PLPPR1: variants seen among roughly 807,000 people sequenced by gnomAD.
PLPPR1 encodes the protein phospholipid phosphatase-related protein type 1.
In PLPPR1, 10 loss-of-function variants were observed where a neutral mutation model predicts 33.1. The observed-to-expected ratio is 0.30, with a 90% CI of 0.19 to 0.51. The LOEUF (loss-of-function observed/expected upper bound fraction) is 0.51, where lower values mean the gene tolerates loss of function less well. PLPPR1 is among the 20% of genes least tolerant of loss of function. PLPPR1 has a pLI of 0.97. For missense variants in PLPPR1, 304 were observed against 408.1 expected (o/e 0.74, Z 2.20); for synonymous variants, 151 against 151.0 (o/e 1.00, Z 0.00).
chr9:101,033,941 A>G (rs1829979393), intron 1 of PLPPR1, among the ~76,000 whole-genome samples: 1 of 152,194 alleles, frequency 6.6e-6, no homozygotes, highest in Non-Finnish European at 1.5e-5. Flanking sequence ...AAAGTAGGGA[A>G]CTGAAAAAGG....
At chr9:101,044,029 A>G (rs940829069) in intron 1 of PLPPR1, among the ~76,000 whole-genome samples, 1 of 152,248 alleles carries the variant, frequency 6.6e-6, no homozygotes, top group African/African-American at 2.4e-5. Context: ...TAATTAAACT[A>G]AAGAGCTTTT....
chr9:101,045,385 T>C (rs1289999806), intron 1 of PLPPR1, among the ~76,000 whole-genome samples: 2 of 152,168 alleles, frequency 1.3e-5, no homozygotes, highest in Non-Finnish European at 2.9e-5. Flanking sequence ...ATTTGTGGAA[T>C]GGGTGAGTGA....
At chr9:101,269,776 A>T in intron 2 of PLPPR1, 104 bp from the exon 3 acceptor site, 1 of 1,103,176 alleles carries the variant, frequency 9.1e-7, no homozygotes, top group Non-Finnish European at 1.4e-6. Context: ...CAATACCAAT[A>T]TCAGGAGAGC....
Position 101,224,993 on chromosome 9 carries a change from G to T in PLPPR1, c.63+39436G>T, listed in dbSNP as rs10125953. On this transcript the variant is annotated intron_variant, in intron 2 of 7. Transcript: ENST00000374874. ...TTTATTGCAATGCTTAATATTAAAAGCATTTTGATATCTGTCTTTGGAACT... is the reference window on the plus strand; with the variant it reads ...TTTATTGCAATGCTTAATATTAAAATCATTTTGATATCTGTCTTTGGAACT... Among the ~76,000 whole-genome samples, 680 of 152,224 alleles carry T rather than the reference G, an allele frequency of 4.5e-3. 3 individuals are homozygous for T. Among genetic ancestry groups the T allele is most frequent in the African/African-American group, 0.016 (660 of 41,536 alleles).
intron 3 of PLPPR1, among the ~76,000 whole-genome samples, chr9:101,271,171 A>G (rs1828093169): frequency 6.6e-6 from 1 of 152,164 alleles, no homozygotes; most frequent in Admixed American, 6.5e-5. Context: ...GAGCCACAAC[A>G]TGATGTATCA....
chr9:101,270,105 A>C, intron 3 of PLPPR1, 37 bp downstream of exon 3: 1 of 1,594,596 alleles, frequency 6.3e-7, no homozygotes, highest in Non-Finnish European at 8.6e-7. Flanking sequence ...TTATTGTCAG[A>C]TACCCAAGAA....
intron 1 of PLPPR1, among the ~76,000 whole-genome samples, chr9:101,109,617 C>G (rs1310155965): frequency 6.6e-6 from 1 of 152,106 alleles, no homozygotes. Context: ...GTATGTTTTT[C>G]AAAAGGTATA....
chr9:101,097,402 A>C (rs1830832797), intron 1 of PLPPR1, among the ~76,000 whole-genome samples: 1 of 152,178 alleles, frequency 6.6e-6, no homozygotes, highest in African/African-American at 2.4e-5. Context: ...TCACCCAAAC[A>C]AGTATTGTGC....
At chr9:101,266,884 G>A (rs568374929) in intron 2 of PLPPR1, among the ~76,000 whole-genome samples, 2 of 152,188 alleles carry the variant, frequency 1.3e-5, no homozygotes, top group Admixed American at 6.5e-5. Context: ...AAAGGAAGTG[G>A]TAGCACAAAG....
intron 7 of PLPPR1, among the ~76,000 whole-genome samples, chr9:101,320,207 G>C (rs979206462): frequency 6.6e-6 from 1 of 152,216 alleles, no homozygotes; most frequent in African/African-American, 2.4e-5. Flanking sequence ...GATTATGGAT[G>C]CCGCCTCATA....
At chr9:101,250,955 G>T (rs1171352951) in intron 2 of PLPPR1, among the ~76,000 whole-genome samples, 4 of 151,846 alleles carry the variant, frequency 2.6e-5, no homozygotes, top group Non-Finnish European at 5.9e-5. Context: ...ACCTTTTTCA[G>T]TCTCATCTCC....
At chr9:101,059,578 T>A (rs148494555) in intron 1 of PLPPR1, among the ~76,000 whole-genome samples, 1 of 152,120 alleles carries the variant, frequency 6.6e-6, no homozygotes, top group Non-Finnish European at 1.5e-5. Flanking sequence ...TGATAAGAGG[T>A]TAATATCCAA....
intron 2 of PLPPR1, among the ~76,000 whole-genome samples, chr9:101,245,456 G>A (rs1223180537): frequency 6.6e-6 from 1 of 151,832 alleles, no homozygotes; most frequent in Non-Finnish European, 1.5e-5. Flanking sequence ...ATTGTATCAG[G>A]TTAGGGTTGC....
chr9:101,254,099 T>C (rs1988735), intron 2 of PLPPR1, among the ~76,000 whole-genome samples: 75,423 of 151,780 alleles, frequency 0.5, 20,617 homozygotes, highest in African/African-American at 0.74. Context: ...AGTTTTTCCA[T>C]GGACCAGGGG....
intron 1 of PLPPR1, among the ~76,000 whole-genome samples, chr9:101,177,173 A>T (rs1826030928): frequency 1.3e-5 from 2 of 152,238 alleles, no homozygotes; most frequent in East Asian, 3.9e-4. Flanking sequence ...TTTTGATAGG[A>T]ATCACATTAA....
At chr9:101,178,526 G>T (rs1056798113) in intron 1 of PLPPR1, among the ~76,000 whole-genome samples, 1 of 152,118 alleles carries the variant, frequency 6.6e-6, no homozygotes, top group South Asian at 2.1e-4. Context: ...CACCATCATG[G>T]TATTCCACAC....
At chr9:101,238,364 TGGGTATATATATA>T (rs2118840725) in intron 2 of PLPPR1, among the ~76,000 whole-genome samples, 1 of 134,210 alleles carries the variant, frequency 7.5e-6, no homozygotes, top group East Asian at 2.4e-4. Context: ...TATATATATA[TGGGTATATATATA>T]GGGTATATAT....
chr9:101,069,874 A>C (rs1830462347), intron 1 of PLPPR1, among the ~76,000 whole-genome samples: 1 of 152,110 alleles, frequency 6.6e-6, no homozygotes, highest in Non-Finnish European at 1.5e-5. Context: ...CTAAGGGATT[A>C]GGAGGACTTA....
intron 1 of PLPPR1, among the ~76,000 whole-genome samples, chr9:101,156,153 T>C (rs1386894581): frequency 6.6e-6 from 1 of 152,178 alleles, no homozygotes; most frequent in East Asian, 1.9e-4. Context: ...AACTAACAAA[T>C]ACATAAAGTC....
Sources: allele counts gnomAD v4.1 joint callset (sites outside exome capture counted in the v4.1 genomes callset), GRCh38; gene constraint gnomAD v4.1.1; transcripts MANE v1.5; gene names NCBI Gene and HGNC (gene_info 2026-07-23, HGNC 2026-07-21).